SP100: variants seen among roughly 807,000 people sequenced by gnomAD.
SP100 encodes the protein SP100 nuclear body protein.
In SP100, 84 loss-of-function variants were observed where a neutral mutation model predicts 130.0. The observed-to-expected ratio is 0.65, with a 90% CI of 0.54 to 0.77. The LOEUF (loss-of-function observed/expected upper bound fraction) is 0.77. Among genes scored for constraint, SP100 ranks in the 30% least tolerant of loss-of-function variants. The probability of loss-of-function intolerance (pLI) is 0.00; values close to 1 mark genes in which losing one functional copy is unlikely to be tolerated. For missense variants in SP100, 978 were observed against 1,052.2 expected (o/e 0.93, Z 0.97); for synonymous variants, 331 against 351.7 (o/e 0.94, Z 0.66).
At chr2:230,436,694 C>A (rs1261648573) in intron 2 of SP100, among the ~76,000 whole-genome samples, 2 of 152,116 alleles carry the variant, frequency 1.3e-5, no homozygotes, top group African/African-American at 4.8e-5. Flanking sequence ...AATATATACT[C>A]CTTGGTAAAT....
chr2:230,417,783 G>C, intron 2 of SP100, 118 bp downstream of exon 2: 1 of 1,419,964 alleles, frequency 7.0e-7, no homozygotes, highest in Non-Finnish European at 9.3e-7. Flanking sequence ...TTGCTTGTTT[G>C]TTTTTTGCCA....
chr2:230,481,155 T>C (rs1048922920), intron 17 of SP100, among the ~76,000 whole-genome samples: 1 of 152,184 alleles, frequency 6.6e-6, no homozygotes, highest in Non-Finnish European at 1.5e-5. Flanking sequence ...TCCCTAGGAA[T>C]TGCATCCAGT....
intron 23 of SP100, chr2:230,509,994 G>A (rs1480458698): frequency 6.6e-6 from 1 of 152,600 alleles, no homozygotes; most frequent in Non-Finnish European, 1.5e-5. Flanking sequence ...CAACCTTATT[G>A]TCTTACCTGG....
intron 18 of SP100, among the ~76,000 whole-genome samples, chr2:230,496,589 A>G (rs992962958): frequency 6.6e-6 from 1 of 152,272 alleles, no homozygotes; most frequent in South Asian, 2.1e-4. Flanking sequence ...AACTGCAATT[A>G]CTTTTGCACC....
intron 2 of SP100, among the ~76,000 whole-genome samples, chr2:230,419,742 T>A (rs2062716356): frequency 2.0e-5 from 3 of 152,326 alleles, no homozygotes; most frequent in East Asian, 3.9e-4. Context: ...TATGTACAGA[T>A]TGGGGAAAAC....
rs1690257701 is a variant in SP100, at chr2:230,508,074, T to C, written c.2052+43T>C. The C allele has an allele frequency of 1.9e-6, 3 of 1,609,158 alleles. No homozygotes were observed. The African/African-American group carries it at 4.0e-5, about 22-fold the overall frequency. ...TTCTGCCAATGTCTCGTCTATTATG[T>C]TGTTGATTTTCTATCTCTGTGGACT... On this transcript the variant is annotated intron_variant, in intron 23 of 28. Coordinates refer to ENST00000340126, the MANE Select transcript of SP100 (RefSeq NM_001080391.2).
chr2:230,526,418 A>G (rs1691428258), intron 24 of SP100, among the ~76,000 whole-genome samples: 1 of 152,210 alleles, frequency 6.6e-6, no homozygotes, highest in Non-Finnish European at 1.5e-5. Context: ...GGTCACCAAC[A>G]TCAAAGATCA....
At chr2:230,516,809 T>C (rs1360621814) in intron 24 of SP100, among the ~76,000 whole-genome samples, 1 of 152,272 alleles carries the variant, frequency 6.6e-6, no homozygotes, top group South Asian at 2.1e-4. Context: ...AAGTACCCAA[T>C]TGACAAGGAA....
At chr2:230,438,053 T>C (rs2063347685) in intron 2 of SP100, among the ~76,000 whole-genome samples, 1 of 152,200 alleles carries the variant, frequency 6.6e-6, no homozygotes, top group African/African-American at 2.4e-5. Context: ...CAGTCTTGCT[T>C]TTTGTTTTAT....
At chr2:230,475,091 T>C (rs776973768) in intron 17 of SP100, among the ~76,000 whole-genome samples, 1 of 152,148 alleles carries the variant, frequency 6.6e-6, no homozygotes, top group Non-Finnish European at 1.5e-5. Context: ...TTTCTGTCTT[T>C]AAGTCTTTGA....
At chr2:230,421,825 G>A (rs776177508) in intron 2 of SP100, among the ~76,000 whole-genome samples, 40 of 152,100 alleles carry the variant, frequency 2.6e-4, no homozygotes, top group Non-Finnish European at 3.5e-4. Context: ...TTGCCTTGAT[G>A]TGGGTGTTAA....
chr2:230,476,086 AT>A (rs1291423513), intron 17 of SP100, among the ~76,000 whole-genome samples: 1 of 152,178 alleles, frequency 6.6e-6, no homozygotes, highest in Non-Finnish European at 1.5e-5. Flanking sequence ...TGACGCTTTT[AT>A]TTTAATAAGG....
At position 230,543,094 on chromosome 2, in the gene SP100, T is replaced by C. The variant is rs1692238057; in HGVS notation, c.*148T>C. On this transcript the variant is annotated 3_prime_UTR_variant, in exon 29 of 29. Transcript: ENST00000340126. ...CCATTTTAAAACCGTCTTTTCAGCT[T>C]TCAATAAAATTCAACACCCCTTCAT... 1.9e-6 allele frequency: 1 copy of C among 525,880 alleles called. No homozygotes were observed. The highest frequency in any genetic ancestry group is 3.7e-5 in the Admixed American group (1 of 27,108). The allele number at this position is 525,880 out of a possible 1,614,324, so 32.6% of individuals were successfully genotyped here.
At chr2:230,458,564 T>C (rs1056988341) in intron 8 of SP100, among the ~76,000 whole-genome samples, 2 of 152,198 alleles carry the variant, frequency 1.3e-5, no homozygotes, top group African/African-American at 4.8e-5. Flanking sequence ...TGTCATGTTG[T>C]GGAGTTGTTG....
chr2:230,457,495 G>C (rs1006993968), intron 8 of SP100, among the ~76,000 whole-genome samples: 4 of 152,220 alleles, frequency 2.6e-5, no homozygotes, highest in Admixed American at 2.0e-4. Context: ...ACTGGCTAGA[G>C]TCTGGGGCTT....
intron 17 of SP100, among the ~76,000 whole-genome samples, chr2:230,476,000 C>T (rs192048908): frequency 4.6e-5 from 7 of 152,192 alleles, no homozygotes; most frequent in Non-Finnish European, 1.0e-4. Flanking sequence ...TTTTTGTTTA[C>T]AATTGCTTTG....
chr2:230,527,733 A>G (rs930656972), intron 24 of SP100, among the ~76,000 whole-genome samples: 1 of 152,240 alleles, frequency 6.6e-6, no homozygotes, highest in Non-Finnish European at 1.5e-5. Context: ...AGGAAGATCT[A>G]CGAAGCAAAT....
intron 18 of SP100, 63 bp downstream of exon 18, chr2:230,494,523 C>G: frequency 7.9e-7 from 1 of 1,261,394 alleles, no homozygotes; most frequent in African/African-American, 1.5e-5. Flanking sequence ...TCCTGCCAGA[C>G]CCCATCTTTG....
intron 14 of SP100, among the ~76,000 whole-genome samples, chr2:230,469,612 C>T (rs1333074110): frequency 6.6e-6 from 1 of 152,152 alleles, no homozygotes; most frequent in African/African-American, 2.4e-5. Flanking sequence ...GATCTGTTGA[C>T]TTCACTAGCT....
Sources: allele counts gnomAD v4.1 joint callset (sites outside exome capture counted in the v4.1 genomes callset), GRCh38; gene constraint gnomAD v4.1.1; transcripts MANE v1.5; gene names NCBI Gene and HGNC (gene_info 2026-07-23, HGNC 2026-07-21).